The following DIXDC1 variants were observed in gnomAD, a reference collection of about 807,000 sequenced individuals.
The protein encoded by DIXDC1 is DIX domain containing 1, also known as dixin.
In DIXDC1, 64 loss-of-function variants were observed where a neutral mutation model predicts 103.1. The ratio of observed to expected loss-of-function variants is 0.62; its 90% CI spans 0.51 to 0.76. DIXDC1 has a LOEUF of 0.76. DIXDC1 is among the 30% of genes least tolerant of loss of function. The pLI is 0.00. For synonymous variants in DIXDC1, 266 were observed against 298.5 expected, an observed-to-expected ratio of 0.89 and a Z score of 1.12; for missense variants, 759 against 834.2, an observed-to-expected ratio of 0.91 and a Z score of 1.11.
chr11:112,008,693 C>T (rs1440088108), intron 17 of DIXDC1, among the ~76,000 whole-genome samples: 1 of 152,206 alleles, frequency 6.6e-6, no homozygotes, highest in Non-Finnish European at 1.5e-5. Context: ...GAACAACCTG[C>T]TCCTGAATGA....
intron 5 of DIXDC1, chr11:111,975,395 AGAAATT>A: frequency 9.7e-7 from 1 of 1,034,418 alleles, no homozygotes; most frequent in East Asian, 8.3e-5. Context: ...ATAGAAGAGA[AGAAATT>A]GAGCAGAGTT....
chr11:111,930,932 C>T (rs1555167610), intron 2 of DIXDC1, among the ~76,000 whole-genome samples: 2 of 148,522 alleles, frequency 1.3e-5, no homozygotes, highest in Admixed American at 6.8e-5. Context: ...TGGCTCACTG[C>T]AACCTCCGCC....
intron 6 of DIXDC1, among the ~76,000 whole-genome samples, chr11:111,981,253 G>A (rs1860297962): frequency 6.6e-6 from 1 of 152,206 alleles, no homozygotes; most frequent in Non-Finnish European, 1.5e-5. Flanking sequence ...AGGGCACAGA[G>A]AATAGAGAGC....
rs1232338284 is a variant in DIXDC1, at chr11:111,943,110, AATTT to A, written c.60+5560_60+5563del. 9.2e-5 allele frequency among the ~76,000 whole-genome samples: 14 copies of A among 152,226 alleles called. No homozygotes were observed. The East Asian group carries it at 2.5e-3, about 27-fold the overall frequency. On this transcript the variant is annotated intron_variant, in intron 1 of 19. Coordinates refer to ENST00000440460, the MANE Select transcript of DIXDC1 (RefSeq NM_001037954.4). ...CATCACACTACTCAGAGTGTTGGAC[AATTT>A]ATTTATTTTTTAAATTTTGATTTCA...
chr11:111,995,338 T>C, intron 15 of DIXDC1, 65 bp from the exon 16 acceptor site: 1 of 1,591,958 alleles, frequency 6.3e-7, no homozygotes, highest in South Asian at 1.1e-5. Context: ...TCCTATATCC[T>C]TTTAAGCCCA....
chr11:112,011,815 CG>C (rs1289640574), intron 17 of DIXDC1, among the ~76,000 whole-genome samples: 1 of 130,796 alleles, frequency 7.6e-6, no homozygotes, highest in Non-Finnish European at 1.6e-5. Context: ...GAGGGGGGGA[CG>C]GGGGGAGGGA....
chr11:112,008,256 A>G (rs965483762), intron 17 of DIXDC1, among the ~76,000 whole-genome samples: 1 of 152,230 alleles, frequency 6.6e-6, no homozygotes, highest in Non-Finnish European at 1.5e-5. Flanking sequence ...TTCAACAAGA[A>G]GAGCTAACTA....
rs1250049708 is a variant in DIXDC1 at position 111,998,343 on chromosome 11, T to C, written c.1756+2197T>C. Among the ~76,000 whole-genome samples, 2 of 152,164 alleles carry C rather than the reference T, an allele frequency of 1.3e-5. No individual in the cohort carries two copies. Among genetic ancestry groups the C allele is most frequent in the Non-Finnish European group, 2.9e-5 (2 of 68,026 alleles). ...CCTTCTAGTCCCTCTTGAATCTCCT[T>C]TTATTCTGCTCTAATTCTTGAATGT... On this transcript the variant is annotated intron_variant, in intron 17 of 19. Transcript: ENST00000440460. The surrounding 1 kb of genome is among the most constrained non-coding windows in gnomAD (Gnocchi z 4.1).
upstream of DIXDC1, among the ~76,000 whole-genome samples, chr11:111,933,580 C>A (rs587689338): frequency 5.9e-5 from 9 of 151,922 alleles, no homozygotes; most frequent in African/African-American, 1.4e-4. Flanking sequence ...TGGGCACATA[C>A]CACCATGAGT....
chr11:112,016,333 A>G (rs1555177704), intron 17 of DIXDC1, among the ~76,000 whole-genome samples: 1 of 152,088 alleles, frequency 6.6e-6, no homozygotes, highest in African/African-American at 2.4e-5. Flanking sequence ...CGGACCTCCA[A>G]AACCTAAATA....
intron 1 of DIXDC1, chr11:111,946,665 T>C: frequency 3.4e-6 from 1 of 291,278 alleles, no homozygotes; most frequent in Admixed American, 3.5e-5. Context: ...CCAGCCAACA[T>C]GTTTTTTTTC....
rs1411156883 is a variant in DIXDC1, at chr11:111,976,340, CTG to C, written c.656+1360_656+1361del. On this transcript the variant is annotated intron_variant, in intron 5 of 19. Transcript: ENST00000440460. This position sits in a 1 kb window ranked among gnomAD's most constrained non-coding sequence, Gnocchi z 4.3. ...GAGGACTGAGGGGAGGGCTGTGAGA[CTG>C]TGAATGTGTGAATGAGGGGCCCACC... Among the ~76,000 whole-genome samples, 1 of 152,108 alleles carries C rather than the reference CTG, an allele frequency of 6.6e-6. No homozygotes were observed. Among genetic ancestry groups the C allele is most frequent in the Non-Finnish European group, 1.5e-5 (1 of 68,022 alleles).
intron 5 of DIXDC1, among the ~76,000 whole-genome samples, chr11:111,980,321 C>T (rs1860255355): frequency 6.6e-6 from 1 of 152,150 alleles, no homozygotes; most frequent in Non-Finnish European, 1.5e-5. Flanking sequence ...AATAAAATTT[C>T]CTTCTAGCTC....
chr11:112,007,381 G>C (rs1208175103), intron 17 of DIXDC1, among the ~76,000 whole-genome samples: 1 of 152,122 alleles, frequency 6.6e-6, no homozygotes, highest in African/African-American at 2.4e-5. Flanking sequence ...GGAAAACACT[G>C]TTCAGGATAT....
chr11:111,989,974 T>G (rs1292244535), intron 10 of DIXDC1, among the ~76,000 whole-genome samples: 1 of 150,204 alleles, frequency 6.7e-6, no homozygotes, highest in Non-Finnish European at 1.5e-5. Flanking sequence ...ATTTTTTTAG[T>G]AGAGACGGGG....
chr11:111,956,821 G>A (rs781784586), intron 1 of DIXDC1, among the ~76,000 whole-genome samples: 8 of 151,956 alleles, frequency 5.3e-5, no homozygotes, highest in African/African-American at 1.9e-4. Flanking sequence ...CGGATTAATA[G>A]CAGAAATAAA....
At chr11:111,948,801 C>G (rs1966681799) in intron 1 of DIXDC1, among the ~76,000 whole-genome samples, 2 of 152,054 alleles carry the variant, frequency 1.3e-5, no homozygotes, top group Non-Finnish European at 2.9e-5. Context: ...CCTTCAGCTT[C>G]CCTCTTCCCA....
intron 6 of DIXDC1, among the ~76,000 whole-genome samples, chr11:111,981,650 C>G (rs1860310100): frequency 6.6e-6 from 1 of 152,086 alleles, no homozygotes; most frequent in Admixed American, 6.6e-5. Flanking sequence ...TTGCAGCAAC[C>G]CAGAGGGGTT....
At position 112,019,118 on chromosome 11, in the gene DIXDC1, A is replaced by T; in HGVS notation, c.*82A>T. ...CAGGAAAGGGAACTAAAACCAGAAT[A>T]CACTAAGAAGTTTCTAGTTTGTGTG... On this transcript the variant is annotated 3_prime_UTR_variant, in exon 20 of 20. Coordinates refer to ENST00000440460, the MANE Select transcript of DIXDC1 (RefSeq NM_001037954.4). 1 of 1,213,442 alleles carries T rather than the reference A, an allele frequency of 8.2e-7. No homozygotes were observed. Among genetic ancestry groups the T allele is most frequent in the East Asian group, 2.4e-5 (1 of 42,460 alleles). 75.2% of individuals were successfully genotyped at this position (1,213,442 alleles called of 1,614,324 possible).
Sources: allele counts gnomAD v4.1 joint callset (sites outside exome capture counted in the v4.1 genomes callset), GRCh38; gene constraint gnomAD v4.1.1; non-coding constraint Gnocchi (gnomAD v3.1); transcripts MANE v1.5; gene names NCBI Gene and HGNC (gene_info 2026-07-23, HGNC 2026-07-21).